SCHIP1: variants seen among roughly 807,000 people sequenced by gnomAD.
SCHIP1 encodes the protein schwannomin interacting protein 1, also known as schwannomin-interacting protein 1.
Under a neutral mutation model 29.7 loss-of-function variants are expected in SCHIP1, and 8 were observed. The ratio of observed to expected loss-of-function variants is 0.27; its 90% confidence interval spans 0.16 to 0.49. The LOEUF is 0.49. SCHIP1 is among the 20% of genes least tolerant of loss of function. The pLI is 0.99. For missense variants in SCHIP1, 193 were observed against 294.6 expected, an observed-to-expected ratio of 0.66 and a Z score of 2.52; for synonymous variants, 76 against 94.9, an observed-to-expected ratio of 0.80 and a Z score of 1.16.
At chr3:159,754,669 A>C in the SCHIP1 span, among the ~76,000 whole-genome samples, 1 of 152,138 alleles carries the variant, frequency 6.6e-6, no homozygotes. Context: ...CACTTTTGAG[A>C]GTGAAGGAGG....
the SCHIP1 span, among the ~76,000 whole-genome samples, chr3:159,831,303 C>G: frequency 6.6e-6 from 1 of 152,278 alleles, no homozygotes; most frequent in East Asian, 1.9e-4. Context: ...CACCTACACA[C>G]TTGATCTAGG....
At chr3:159,493,605 G>A in the SCHIP1 span, among the ~76,000 whole-genome samples, 1 of 151,276 alleles carries the variant, frequency 6.6e-6, no homozygotes, top group Admixed American at 6.6e-5. Flanking sequence ...CATAAAGCAA[G>A]TCCTTAGTGA....
the SCHIP1 span, among the ~76,000 whole-genome samples, chr3:159,521,613 C>A: frequency 1.3e-5 from 2 of 152,202 alleles, no homozygotes; most frequent in Admixed American, 1.3e-4. Flanking sequence ...TTGAGTTCGA[C>A]AGTTTGAATA....
the SCHIP1 span, among the ~76,000 whole-genome samples, chr3:159,405,774 T>G: frequency 6.6e-6 from 1 of 151,108 alleles, no homozygotes; most frequent in African/African-American, 2.4e-5. Flanking sequence ...TCCCAGCTAC[T>G]CAGGAGGCTG....
chr3:159,677,638 C>T, the SCHIP1 span, among the ~76,000 whole-genome samples: 568 of 152,248 alleles, frequency 3.7e-3, 4 homozygotes, highest in African/African-American at 0.013. Context: ...GGCAGATGAA[C>T]CTCCATCTGT....
the SCHIP1 span, among the ~76,000 whole-genome samples, chr3:159,587,820 A>G: frequency 6.6e-6 from 1 of 152,184 alleles, no homozygotes; most frequent in Non-Finnish European, 1.5e-5. Flanking sequence ...ATGGCTGCAT[A>G]GTATTCCATG....
At chr3:159,539,641 T>C in the SCHIP1 span, among the ~76,000 whole-genome samples, 1 of 135,992 alleles carries the variant, frequency 7.4e-6, no homozygotes, top group Non-Finnish European at 1.7e-5. Context: ...TACTATGTCC[T>C]GGACCACGTG....
chr3:159,342,763 T>C, the SCHIP1 span, among the ~76,000 whole-genome samples: 1 of 152,234 alleles, frequency 6.6e-6, no homozygotes, highest in South Asian at 2.1e-4. Flanking sequence ...TGGTGCCAAA[T>C]GACTAGACAG....
chr3:159,398,632 A>G, the SCHIP1 span, among the ~76,000 whole-genome samples: 1 of 152,150 alleles, frequency 6.6e-6, no homozygotes, highest in Admixed American at 6.6e-5. Flanking sequence ...AGGTCATAGA[A>G]ATGCAGAAAA....
At chr3:159,750,278 TATATATATATATATATATAC>T in the SCHIP1 span, among the ~76,000 whole-genome samples, 1 of 16,890 alleles carries the variant, frequency 5.9e-5, no homozygotes, top group Admixed American at 7.3e-4. Context: ...TATATATATA[TATATATATATATATATATAC>T]ACACACACAC....
the SCHIP1 span, among the ~76,000 whole-genome samples, chr3:159,376,781 G>A: frequency 2.6e-5 from 4 of 152,188 alleles, no homozygotes; most frequent in East Asian, 1.9e-4. Flanking sequence ...CCAGTGCACC[G>A]CAGCTTATGG....
the SCHIP1 span, among the ~76,000 whole-genome samples, chr3:159,702,032 G>A: frequency 6.6e-6 from 1 of 152,072 alleles, no homozygotes; most frequent in Non-Finnish European, 1.5e-5. Context: ...AGGTACCCTG[G>A]GGTATAGGTT....
At chr3:159,476,800 T>C in the SCHIP1 span, among the ~76,000 whole-genome samples, 2 of 152,142 alleles carry the variant, frequency 1.3e-5, no homozygotes, top group African/African-American at 4.8e-5. Context: ...GTATCTACCA[T>C]TTTGTATACA....
chr3:159,280,214 G>A, the SCHIP1 span, among the ~76,000 whole-genome samples: 1 of 152,188 alleles, frequency 6.6e-6, no homozygotes, highest in African/African-American at 2.4e-5. Context: ...GGTGATTCTT[G>A]TTGACTCCAG....
At chr3:159,382,268 C>T in the SCHIP1 span, among the ~76,000 whole-genome samples, 1 of 150,280 alleles carries the variant, frequency 6.7e-6, no homozygotes, top group Non-Finnish European at 1.5e-5. Context: ...TCACCCCACC[C>T]CACAACAGTC....
At chr3:159,634,473 G>A in the SCHIP1 span, among the ~76,000 whole-genome samples, 1 of 152,190 alleles carries the variant, frequency 6.6e-6, no homozygotes, top group African/African-American at 2.4e-5. Context: ...TGAACAGTTA[G>A]AGGCCCACCT....
At chr3:159,736,360 A>T in the SCHIP1 span, among the ~76,000 whole-genome samples, 1 of 152,214 alleles carries the variant, frequency 6.6e-6, no homozygotes, top group Non-Finnish European at 1.5e-5. Flanking sequence ...TTTTACCCCA[A>T]GGCAAGTGTT....
chr3:159,764,300 C>G, the SCHIP1 span: 235,274 of 980,182 alleles, frequency 0.24, 30,324 homozygotes, highest in East Asian at 0.44. This position sits in a 1 kb window ranked among gnomAD's most constrained non-coding sequence, Gnocchi z 6.1. Flanking sequence ...GGTGCTGGCT[C>G]CCGCCCCCAG....
the SCHIP1 span, among the ~76,000 whole-genome samples, chr3:159,702,033 G>A: frequency 6.6e-6 from 1 of 152,052 alleles, no homozygotes; most frequent in Admixed American, 6.6e-5. Context: ...GGTACCCTGG[G>A]GTATAGGTTG....
Sources: allele counts gnomAD v4.1 joint callset (sites outside exome capture counted in the v4.1 genomes callset), GRCh38; gene constraint gnomAD v4.1.1; non-coding constraint Gnocchi (gnomAD v3.1); transcripts MANE v1.5; gene names NCBI Gene and HGNC (gene_info 2026-07-23, HGNC 2026-07-21).